The following TRHDE variants were observed in gnomAD, a reference collection of about 807,000 sequenced individuals.
The protein encoded by TRHDE is thyrotropin releasing hormone degrading enzyme, also known as thyrotropin-releasing hormone-degrading ectoenzyme.
Under a neutral mutation model 125.7 loss-of-function variants are expected in TRHDE, and 72 were observed. The ratio of observed to expected loss-of-function variants is 0.57; its 90% CI spans 0.47 to 0.70. The LOEUF is 0.70. TRHDE is among the 30% of genes least tolerant of loss of function. The probability of loss-of-function intolerance (pLI) is 0.00; values close to 1 mark genes in which losing one functional copy is unlikely to be tolerated. For missense variants in TRHDE, 1,110 were observed against 1,327.1 expected (o/e 0.84, Z 2.54); for synonymous variants, 509 against 509.1 (o/e 1.00, Z 0.00).
chr12:72,341,359 A>T (rs1161906809), intron 2 of TRHDE, among the ~76,000 whole-genome samples: 1 of 151,656 alleles, frequency 6.6e-6, no homozygotes, highest in Non-Finnish European at 1.5e-5. Flanking sequence ...GAGTGAGAAC[A>T]TGTGGTGGTT....
At chr12:72,364,755 G>A (rs1453468200) in intron 2 of TRHDE, among the ~76,000 whole-genome samples, 1 of 152,014 alleles carries the variant, frequency 6.6e-6, no homozygotes, top group Non-Finnish European at 1.5e-5. Context: ...GCAGGCAGCT[G>A]GGAATCAAGG....
At chr12:72,542,059 TAGA>T (rs1196745331) in intron 6 of TRHDE, among the ~76,000 whole-genome samples, 1 of 151,434 alleles carries the variant, frequency 6.6e-6, no homozygotes, top group Admixed American at 6.6e-5. Context: ...ATATTCTTTC[TAGA>T]GGACTTCCAT....
intron 12 of TRHDE, among the ~76,000 whole-genome samples, chr12:72,617,409 A>G (rs1052733136): frequency 6.6e-6 from 1 of 152,176 alleles, no homozygotes; most frequent in African/African-American, 2.4e-5. Flanking sequence ...TAATGTTTGC[A>G]TATGACATTG....
chr12:72,589,618 T>C (rs985789223), intron 12 of TRHDE, among the ~76,000 whole-genome samples: 2 of 152,196 alleles, frequency 1.3e-5, no homozygotes. Context: ...ATAGAGCTGT[T>C]CAAATTTTGT....
At chr12:72,301,343 A>G (rs1051913938) in intron 2 of TRHDE, among the ~76,000 whole-genome samples, 4 of 152,136 alleles carry the variant, frequency 2.6e-5, no homozygotes, top group Admixed American at 2.6e-4. Context: ...AAATTCCATC[A>G]GAAGGGCCTC....
chr12:72,638,101 G>T (rs368887365), intron 15 of TRHDE, among the ~76,000 whole-genome samples: 4 of 146,986 alleles, frequency 2.7e-5, no homozygotes, highest in Non-Finnish European at 4.5e-5. Flanking sequence ...GTTGACAGTG[G>T]GGTGTTAAAG....
Position 72,664,840 on chromosome 12 carries a change from C to T in TRHDE, c.*1645C>T, listed in dbSNP as rs1592603808. 2.0e-5 allele frequency: 3 copies of T among 151,848 alleles called. No homozygotes were observed. Among genetic ancestry groups the T allele is most frequent in the Admixed American group, 2.0e-4 (3 of 15,192 alleles). The allele number at this position is 151,848 out of a possible 1,614,324, so 9.4% of individuals were successfully genotyped here. A position where few individuals can be genotyped will look rare whatever the true frequency, so the allele number is the denominator to read the frequency against. ...ATTAGTAGAAAAGAGGAGCTATTTC[C>T]GAATCTATAGAATAAAGTACCACCT... On this transcript the variant is annotated 3_prime_UTR_variant, in exon 19 of 19. Coordinates refer to ENST00000261180, the MANE Select transcript of TRHDE (RefSeq NM_013381.3).
intron 2 of TRHDE, among the ~76,000 whole-genome samples, chr12:72,129,001 C>T (rs1875790384): frequency 6.6e-6 from 1 of 152,102 alleles, no homozygotes; most frequent in African/African-American, 2.4e-5. Flanking sequence ...TTAAACTGCT[C>T]AAAACCAGTG....
intron 2 of TRHDE, among the ~76,000 whole-genome samples, chr12:72,376,866 G>A (rs1362235257): frequency 6.7e-6 from 1 of 149,488 alleles, no homozygotes; most frequent in Non-Finnish European, 1.5e-5. Context: ...TATATACTGA[G>A]TAAACCATTT....
At chr12:72,238,533 C>G (rs1251510636) in intron 2 of TRHDE, among the ~76,000 whole-genome samples, 5 of 150,852 alleles carry the variant, frequency 3.3e-5, no homozygotes, top group Non-Finnish European at 7.4e-5. Context: ...CTAATGCTAT[C>G]CCTCCCCTAG....
chr12:72,171,631 G>A (rs1418989903), intron 2 of TRHDE, among the ~76,000 whole-genome samples: 1 of 152,148 alleles, frequency 6.6e-6, no homozygotes, highest in Non-Finnish European at 1.5e-5. Context: ...TGTCAAGTGA[G>A]TGGTCTGAGA....
At chr12:72,517,381 A>T (rs1289525082) in intron 6 of TRHDE, among the ~76,000 whole-genome samples, 1 of 152,086 alleles carries the variant, frequency 6.6e-6, no homozygotes, top group Non-Finnish European at 1.5e-5. Flanking sequence ...GGGAGAGTGC[A>T]TGTGTCGAGG....
chr12:72,508,811 G>T (rs1878463770), intron 6 of TRHDE, among the ~76,000 whole-genome samples: 1 of 152,102 alleles, frequency 6.6e-6, no homozygotes, highest in South Asian at 2.1e-4. Flanking sequence ...CATGGGGGTG[G>T]ATTTCCCCCT....
At chr12:72,317,387 A>G (rs1451151713) in intron 2 of TRHDE, among the ~76,000 whole-genome samples, 2 of 152,196 alleles carry the variant, frequency 1.3e-5, no homozygotes, top group African/African-American at 4.8e-5. Flanking sequence ...CTATAATACA[A>G]TACCAAAGAC....
chr12:72,361,723 C>A (rs1178936233), intron 2 of TRHDE, among the ~76,000 whole-genome samples: 2 of 144,840 alleles, frequency 1.4e-5, no homozygotes, highest in South Asian at 2.3e-4. Flanking sequence ...TCCCCCCACC[C>A]CACAACAGTC....
At chr12:72,156,142 G>T (rs1876500984) in intron 2 of TRHDE, among the ~76,000 whole-genome samples, 1 of 152,140 alleles carries the variant, frequency 6.6e-6, no homozygotes, top group South Asian at 2.1e-4. Flanking sequence ...TTTGATCTCA[G>T]ACTGCTGTGC....
chr12:72,320,835 GTTT>G (rs919029096), intron 2 of TRHDE, among the ~76,000 whole-genome samples: 1 of 152,104 alleles, frequency 6.6e-6, no homozygotes, highest in African/African-American at 2.4e-5. Flanking sequence ...CAGGCAAGCT[GTTT>G]AAGCATTGCG....
At chr12:72,267,043 A>C (rs948623101) in intron 2 of TRHDE, among the ~76,000 whole-genome samples, 3 of 152,128 alleles carry the variant, frequency 2.0e-5, no homozygotes, top group African/African-American at 4.8e-5. Context: ...CATGGATTTG[A>C]GCAATTTAAG....
chr12:72,593,486 T>G (rs1396295049), intron 12 of TRHDE, among the ~76,000 whole-genome samples: 4 of 146,380 alleles, frequency 2.7e-5, no homozygotes, highest in African/African-American at 7.4e-5. Context: ...ATTATACAGG[T>G]TTTTTTTTTG....
Sources: allele counts gnomAD v4.1 joint callset (sites outside exome capture counted in the v4.1 genomes callset), GRCh38; gene constraint gnomAD v4.1.1; transcripts MANE v1.5; gene names NCBI Gene and HGNC (gene_info 2026-07-23, HGNC 2026-07-21).